Variants in TMLHE observed in about 807,000 individuals in gnomAD.
TMLHE encodes trimethyllysine hydroxylase, epsilon.
Under a neutral mutation model 25.7 loss-of-function variants are expected in TMLHE, and 18 were observed. The ratio of observed to expected loss-of-function variants is 0.70; its 90% CI spans 0.48 to 1.04. The LOEUF is 1.04. Among genes scored for constraint, TMLHE ranks in the 50% least tolerant of loss-of-function variants. The pLI is 0.00. For synonymous variants in TMLHE, 105 were observed against 97.0 expected, an observed-to-expected ratio of 1.08 and a Z score of -0.49; for missense variants, 236 against 259.0, an observed-to-expected ratio of 0.91 and a Z score of 0.61.
chrX:155,599,103 T>C (rs782142403), intron 1 of TMLHE, among the ~76,000 whole-genome samples: 48 of 111,796 alleles, frequency 4.3e-4, no homozygotes, highest in Middle Eastern at 4.6e-3. Flanking sequence ...TGACTGTTTA[T>C]GTTATCAGTG....
At chrX:155,607,015 AT>A (rs1280912534) in intron 1 of TMLHE, among the ~76,000 whole-genome samples, 1 of 111,626 alleles carries the variant, frequency 9.0e-6, no homozygotes, top group Non-Finnish European at 1.9e-5. Flanking sequence ...GTCCAGAAGG[AT>A]TCATAGCTGA....
Position 155,514,221 on chromosome X carries a change from T to C in TMLHE, c.403A>G (p.Lys135Glu), listed in dbSNP as rs782319543. The C allele has an allele frequency of 6.6e-6, 8 of 1,208,190 alleles. No individual in the cohort carries two copies. The highest frequency in any genetic ancestry group is 3.0e-5 in the East Asian group (1 of 33,726). Residue 135 changes from lysine (K) to glutamate (E), a missense_variant, in exon 4 of 8, where the codon AAA (lysine) becomes GAA (glutamate). By Grantham distance (56) the Lys-to-Glu change is moderately conservative (BLOSUM62 1). Transcript: ENST00000334398. ...VTKYDLNWLV[K>E]NSYEGQKQKV... is the part of the protein sequence containing the mutation. ...TGTTTCTGCCCTTCATAGCTGTTTT[T>C]CACCAGCCAATTCAAATCATATTTA...
intron 1 of TMLHE, among the ~76,000 whole-genome samples, chrX:155,572,832 A>C (rs1390287157): frequency 1.8e-5 from 1 of 56,989 alleles, no homozygotes; most frequent in Non-Finnish European, 4.6e-5. Flanking sequence ...TACAAAAATT[A>C]ATTCAAGATG....
chrX:155,568,702 G>A lies in TMLHE; in HGVS notation c.-1-23425C>T, dbSNP rs1252049430. 4.9e-5 allele frequency among the ~76,000 whole-genome samples: 3 copies of A among 61,354 alleles called. 1 individual carries two copies. Among genetic ancestry groups the A allele is most frequent in the African/African-American group, 1.1e-4 (3 of 27,545 alleles). The allele number at this position is 61,354 out of a possible 115,157, so 53.3% of individuals were successfully genotyped here. ...GAAAATCCGCTGTTCTGCAGACACC[G>A]CTGCTGATACCCAGGCAAACAGGGT... On this transcript the variant is annotated intron_variant, in intron 1 of 7. Coordinates refer to ENST00000334398, the MANE Select transcript of TMLHE (RefSeq NM_018196.4).
rs1191308238 is a variant in TMLHE, at chrX:155,553,978, TTTTA to T, written c.-1-8705_-1-8702del. 9.4e-5 allele frequency among the ~76,000 whole-genome samples: 7 copies of T among 74,221 alleles called. 1 individual carries two copies. The highest frequency in any genetic ancestry group is 3.1e-4 in the African/African-American group (7 of 22,810). 64.5% of individuals were successfully genotyped at this position (74,221 alleles called of 115,157 possible). On this transcript the variant is annotated intron_variant, in intron 1 of 7. Coordinates refer to ENST00000334398, the MANE Select transcript of TMLHE (RefSeq NM_018196.4). ...CATGCACGCCACATGACATTACTAT[TTTTA>T]TTCATTCATTCATTCATTCATTCAT... is the stretch of plus-strand genomic sequence containing the variant.
At chrX:155,557,129 C>G (rs2067462658) in intron 1 of TMLHE, among the ~76,000 whole-genome samples, 1 of 111,677 alleles carries the variant, frequency 9.0e-6, no homozygotes, top group African/African-American at 3.3e-5. Context: ...TTACAGGGTC[C>G]TGAGACGATA....
At chrX:155,569,085 G>GA (rs1439708193) in intron 1 of TMLHE, among the ~76,000 whole-genome samples, 1 of 57,441 alleles carries the variant, frequency 1.7e-5, no homozygotes, top group Non-Finnish European at 4.6e-5. Flanking sequence ...TAAAAACTTT[G>GA]AAAAAAATTT....
chrX:155,608,731 A>G (rs1368621482), intron 1 of TMLHE, among the ~76,000 whole-genome samples: 1 of 112,341 alleles, frequency 8.9e-6, no homozygotes, highest in African/African-American at 3.2e-5. Flanking sequence ...ACCTCATTAA[A>G]AAGTGGGCAA....
intron 2 of TMLHE, among the ~76,000 whole-genome samples, chrX:155,530,001 C>T (rs1474156302): frequency 8.9e-6 from 1 of 111,782 alleles, no homozygotes; most frequent in African/African-American, 3.3e-5. Flanking sequence ...TTGTTTAAGT[C>T]TTTTATCCAT....
rs781881413 is a variant in TMLHE at position 155,583,322 on chromosome X, A to T, written c.-2+29470T>A. On this transcript the variant is annotated intron_variant, in intron 1 of 7. Coordinates refer to ENST00000334398, the MANE Select transcript of TMLHE (RefSeq NM_018196.4). The stretch of plus-strand genomic sequence containing the variant: ...TGTACCCTAGAACTTAAAGTATAAT[A>T]AAAAAAAAGAAAAGAAGAAAGACCA... Among the ~76,000 whole-genome samples, 7 of 110,246 alleles carry T rather than the reference A, an allele frequency of 6.3e-5. No individual in the cohort carries two copies. The East Asian group carries it at 1.7e-3, about 27-fold the overall frequency.
intron 1 of TMLHE, among the ~76,000 whole-genome samples, chrX:155,594,382 T>A (rs1009515484): frequency 7.3e-5 from 8 of 110,275 alleles, no homozygotes; most frequent in Non-Finnish European, 1.3e-4. Flanking sequence ...AAGCAATTTT[T>A]AAAAAAAAGA....
intron 1 of TMLHE, among the ~76,000 whole-genome samples, chrX:155,602,241 C>T (rs1256874587): frequency 9.0e-6 from 1 of 111,173 alleles, no homozygotes; most frequent in Non-Finnish European, 1.9e-5. Context: ...TTAACACCCC[C>T]AAATTAAGGT....
chrX:155,510,699 A>G (rs878999784), intron 5 of TMLHE, among the ~76,000 whole-genome samples: 65 of 108,949 alleles, frequency 6.0e-4, no homozygotes, highest in African/African-American at 2.1e-3. Context: ...GAATAGTGCC[A>G]CAGTAAACAT....
At chrX:155,574,411 A>C (rs1557343593) in intron 1 of TMLHE, among the ~76,000 whole-genome samples, 3 of 112,283 alleles carry the variant, frequency 2.7e-5, no homozygotes, top group Non-Finnish European at 5.6e-5. Context: ...TTCCCATCCC[A>C]CATGCAGATC....
chrX:155,554,330 A>G (rs887534493), intron 1 of TMLHE, among the ~76,000 whole-genome samples: 19 of 110,808 alleles, frequency 1.7e-4, no homozygotes, highest in African/African-American at 6.0e-4. Context: ...TTTTGGTGAC[A>G]GGTTCCCTAA....
chrX:155,600,664 T>C (rs1301178773), intron 1 of TMLHE, among the ~76,000 whole-genome samples: 2 of 111,967 alleles, frequency 1.8e-5, no homozygotes, highest in Non-Finnish European at 3.8e-5. Context: ...TATACTGGGC[T>C]TTAAATAAGG....
At position 155,597,847 on chromosome X, in the gene TMLHE, T is replaced by C. The variant is rs182830595; in HGVS notation, c.-2+14945A>G. On this transcript the variant is annotated intron_variant, in intron 1 of 7. Coordinates refer to ENST00000334398, the MANE Select transcript of TMLHE (RefSeq NM_018196.4). ...TGCTTCTAGTCCCAAGCATTTCAGA[T>C]AAGGAATACTCAACCTGTACATTCT... is the stretch of plus-strand genomic sequence containing the variant. Among the ~76,000 whole-genome samples the C allele has an allele frequency of 1.3e-3, 135 of 105,451 alleles. 1 individual carries two copies. The highest frequency in any genetic ancestry group is 4.4e-3 in the African/African-American group (125 of 28,578). 91.6% of individuals were successfully genotyped at this position (105,451 alleles called of 115,157 possible).
In TMLHE at chrX:155,544,153, G is replaced by C. The variant is rs374288341; in HGVS notation, c.181+943C>G. On this transcript the variant is annotated intron_variant, in intron 2 of 7. Transcript: ENST00000334398. ...TAGTGGGCCTGTGTCTTGGAAGTGT[G>C]ACTTTAACAATTGTTTTTGTTTCTC... is the stretch of plus-strand genomic sequence containing the variant. Among the ~76,000 whole-genome samples, 23 of 111,503 alleles carry C rather than the reference G, an allele frequency of 2.1e-4. No homozygotes were observed. The South Asian group carries it at 5.7e-3, about 27-fold the overall frequency.
At chrX:155,590,444 CCTTT>C (rs1397588780) in intron 1 of TMLHE, among the ~76,000 whole-genome samples, 3 of 111,784 alleles carry the variant, frequency 2.7e-5, no homozygotes, top group South Asian at 3.7e-4. Context: ...TGTATTTTCT[CCTTT>C]CTTCCATCTC....
Sources: allele counts gnomAD v4.1 joint callset (sites outside exome capture counted in the v4.1 genomes callset), GRCh38; gene constraint gnomAD v4.1.1; transcripts MANE v1.5; gene names NCBI Gene and HGNC (gene_info 2026-07-23, HGNC 2026-07-21).